The following CD38 variants were observed in gnomAD, a reference collection of about 807,000 sequenced individuals.
The protein encoded by CD38 is ADP-ribosyl cyclase/cyclic ADP-ribose hydrolase 1.
A neutral mutation model predicts 36.3 loss-of-function variants in CD38; 31 were observed. The ratio of observed to expected loss-of-function variants is 0.85; its 90% CI spans 0.64 to 1.15. CD38 has a LOEUF of 1.15. Ranked by LOEUF, CD38 falls within the 50% of genes most tolerant of loss-of-function variation. The probability of loss-of-function intolerance (pLI) is 0.00; values close to 1 mark genes in which losing one functional copy is unlikely to be tolerated. For synonymous variants in CD38, 131 were observed against 135.2 expected, an observed-to-expected ratio of 0.97 and a Z score of 0.22; for missense variants, 380 against 371.9, an observed-to-expected ratio of 1.02 and a Z score of -0.18.
intron 1 of CD38, among the ~76,000 whole-genome samples, chr4:15,790,705 G>A (rs1460292028): frequency 6.6e-6 from 1 of 151,532 alleles, no homozygotes; most frequent in Non-Finnish European, 1.5e-5. Context: ...GTCTCTGCCC[G>A]GCCGCCATCC....
At chr4:15,832,290 G>A (rs1156804044) in intron 3 of CD38, among the ~76,000 whole-genome samples, 1 of 152,050 alleles carries the variant, frequency 6.6e-6, no homozygotes, top group Non-Finnish European at 1.5e-5. Flanking sequence ...AATTCATTTG[G>A]TGAGGTCATG....
chr4:15,817,668 C>A (rs1259703981), intron 2 of CD38, among the ~76,000 whole-genome samples: 1 of 152,134 alleles, frequency 6.6e-6, no homozygotes, highest in Non-Finnish European at 1.5e-5. Context: ...GGTGAAACAC[C>A]TGATAAGTGA....
In CD38 at chr4:15,848,548, GT is replaced by G; in HGVS notation, c.852del (p.Leu285PhefsTer4). The G allele has an allele frequency of 6.2e-7, 1 of 1,613,400 alleles. No individual in the cohort carries two copies. The highest frequency in any genetic ancestry group is 1.7e-5 in the Admixed American group (1 of 60,002). ...SCKNIYRPDK[F>X]LQCVKNPEDS... ...TGCTTTCTTGTCATAGACCTGACAA[GT>G]TTCTTCAGTGTGTGAAAAATCCTGA... On this transcript the variant is annotated frameshift_variant, in exon 8 of 8. Coordinates refer to ENST00000226279, the MANE Select transcript of CD38 (RefSeq NM_001775.4). LOFTEE classifies it low-confidence loss of function (END_TRUNC).
intron 1 of CD38, among the ~76,000 whole-genome samples, chr4:15,780,516 TCTCACACA>T (rs1380104458): frequency 1.0e-3 from 115 of 112,444 alleles, no homozygotes; most frequent in East Asian, 7.8e-3. Flanking sequence ...ATATTCTCTC[TCTCACACA>T]CACACACACA....
intron 1 of CD38, among the ~76,000 whole-genome samples, chr4:15,794,128 T>C (rs568093134): frequency 1.3e-5 from 2 of 152,358 alleles, no homozygotes; most frequent in South Asian, 2.1e-4. Flanking sequence ...TGAAATCTCA[T>C]GATGTCCTGC....
chr4:15,810,935 T>C (rs575206229), intron 1 of CD38, among the ~76,000 whole-genome samples: 1 of 152,354 alleles, frequency 6.6e-6, no homozygotes, highest in South Asian at 2.1e-4. Context: ...TATGTGAGTT[T>C]CAAATGGGAC....
chr4:15,790,421 G>A (rs145475776), intron 1 of CD38, among the ~76,000 whole-genome samples: 5 of 151,594 alleles, frequency 3.3e-5, no homozygotes, highest in African/African-American at 7.3e-5. Context: ...CGAGTGATCC[G>A]CCGGCCTCGG....
chr4:15,806,183 C>G (rs1723336794), intron 1 of CD38, among the ~76,000 whole-genome samples: 1 of 152,190 alleles, frequency 6.6e-6, no homozygotes, highest in African/African-American at 2.4e-5. Flanking sequence ...TTCATGTCTT[C>G]CTGCCCCGTG....
chr4:15,814,934 G>A (rs1212182490), intron 1 of CD38, among the ~76,000 whole-genome samples: 2 of 151,916 alleles, frequency 1.3e-5, no homozygotes, highest in Non-Finnish European at 2.9e-5. Context: ...AGCCTCCTGA[G>A]TAGCTGGGAT....
At chr4:15,832,228 C>A (rs1723973880) in intron 3 of CD38, among the ~76,000 whole-genome samples, 1 of 152,176 alleles carries the variant, frequency 6.6e-6, no homozygotes, top group South Asian at 2.1e-4. Flanking sequence ...ATTTTGAATT[C>A]TCTGTCTCAC....
chr4:15,832,098 T>G (rs924450248), intron 3 of CD38, among the ~76,000 whole-genome samples: 4 of 152,038 alleles, frequency 2.6e-5, no homozygotes, highest in Non-Finnish European at 5.9e-5. Flanking sequence ...CATTCTTCAG[T>G]GTGTTATTTG....
intron 2 of CD38, among the ~76,000 whole-genome samples, chr4:15,817,097 C>T (rs941468712): frequency 2.0e-5 from 3 of 152,162 alleles, no homozygotes; most frequent in African/African-American, 4.8e-5. Flanking sequence ...GCCTTCATAG[C>T]CATTCTCTGG....
intron 5 of CD38, 27 bp downstream of exon 5, chr4:15,838,192 G>A (rs1305715319): frequency 6.7e-7 from 1 of 1,496,298 alleles, no homozygotes; most frequent in South Asian, 1.1e-5. Context: ...CATCCTGTTT[G>A]CAAGTATCCT....
intron 1 of CD38, among the ~76,000 whole-genome samples, chr4:15,808,000 CAT>C (rs1431411995): frequency 1.3e-5 from 2 of 152,132 alleles, no homozygotes; most frequent in Non-Finnish European, 2.9e-5. Flanking sequence ...GGCCTGAAAG[CAT>C]ATGTCTCATG....
intron 4 of CD38, among the ~76,000 whole-genome samples, chr4:15,837,487 G>A (rs1446176952): frequency 6.6e-6 from 1 of 152,126 alleles, no homozygotes; most frequent in Non-Finnish European, 1.5e-5. Context: ...GAGGCCTCCT[G>A]GAGGGAGCAT....
Position 15,810,808 on chromosome 4 carries a change from C to T in CD38, c.234-5703C>T, listed in dbSNP as rs75109493. 2.6e-3 allele frequency among the ~76,000 whole-genome samples: 398 copies of T among 152,280 alleles called. 1 individual carries two copies. Among genetic ancestry groups the T allele is most frequent in the African/African-American group, 9.0e-3 (375 of 41,548 alleles). Reference sequence around the variant, plus strand: ...CAAACCTAAACTTGCATCAGAATTGCCTGGAGGGCTTATTAAAACATGATT... The same window carrying T: ...CAAACCTAAACTTGCATCAGAATTGTCTGGAGGGCTTATTAAAACATGATT... On this transcript the variant is annotated intron_variant, in intron 1 of 7. Transcript: ENST00000226279.
At position 15,853,137 on chromosome 4, in the gene CD38, T is replaced by C. The variant is rs996219367; in HGVS notation, c.*4535T>C. On this transcript the variant is annotated 3_prime_UTR_variant, in exon 8 of 8. Coordinates refer to ENST00000226279, the MANE Select transcript of CD38 (RefSeq NM_001775.4). ...ATGGAATTCGGAGGCAGGTGATGCA[T>C]TGGGCGAGTTTATTAACATCTGTGA... is the stretch of plus-strand genomic sequence containing the variant. The C allele has an allele frequency of 2.6e-5, 4 of 152,188 alleles. No individual in the cohort carries two copies. The highest frequency in any genetic ancestry group is 4.8e-5 in the African/African-American group (2 of 41,450). 9.4% of individuals were successfully genotyped at this position (152,188 alleles called of 1,614,324 possible).
intron 4 of CD38, among the ~76,000 whole-genome samples, chr4:15,835,299 T>C (rs1458254984): frequency 1.3e-5 from 2 of 151,838 alleles, no homozygotes; most frequent in East Asian, 1.9e-4. Context: ...CATCTGTTTC[T>C]GGCTTACTTC....
intron 3 of CD38, among the ~76,000 whole-genome samples, chr4:15,829,172 T>A (rs1433015363): frequency 6.6e-6 from 1 of 152,162 alleles, no homozygotes; most frequent in Non-Finnish European, 1.5e-5. Context: ...TTTTTTTTCT[T>A]GTTTTTGAGT....
Sources: gnomAD v4.1 joint callset for allele counts (sites outside exome capture counted in the v4.1 genomes callset) on GRCh38, gnomAD v4.1.1 for gene constraint, MANE v1.5 for transcripts, NCBI Gene and HGNC (gene_info 2026-07-23, HGNC 2026-07-21) for gene names.